Variants in BABAM2 observed in about 807,000 individuals in gnomAD.
The protein encoded by BABAM2 is BRISC and BRCA1 A complex member 2, also known as BRISC and BRCA1-A complex member 2.
Under a neutral mutation model 54.7 loss-of-function variants are expected in BABAM2, and 31 were observed. The ratio of observed to expected loss-of-function variants is 0.57; its 90% CI spans 0.43 to 0.77. BABAM2 has a LOEUF of 0.77. BABAM2 is among the 30% of genes least tolerant of loss of function. The probability of loss-of-function intolerance (pLI) is 0.00; values close to 1 mark genes in which losing one functional copy is unlikely to be tolerated. For synonymous variants in BABAM2, 167 were observed against 162.9 expected (o/e 1.03, Z -0.19); for missense variants, 364 against 455.8 (o/e 0.80, Z 1.83).
In BABAM2 at chr2:28,112,146, T is replaced by TTTCTTTCTTTCCTTCCTTCC. The variant is rs1344247281; in HGVS notation, c.571-17123_571-17122insCTTTCTTTCCTTCCTTCCTT. Among the ~76,000 whole-genome samples the TTTCTTTCTTTCCTTCCTTCC allele has an allele frequency of 6.6e-4, 7 of 10,558 alleles. 3 individuals are homozygous for TTTCTTTCTTTCCTTCCTTCC. The highest frequency in any genetic ancestry group is 7.4e-4 in the Non-Finnish European group (5 of 6,800). 6.9% of individuals were successfully genotyped at this position (10,558 alleles called of 152,430 possible). A position where few individuals can be genotyped will look rare whatever the true frequency, so the allele number is the denominator to read the frequency against. The stretch of plus-strand genomic sequence containing the variant: ...CTTTCTTTCTTTCTTTCTTTCTTTC[T>TTTCTTTCTTTCCTTCCTTCC]TTACCTCCCTCCCTCCCTCCCTCCC... On this transcript the variant is annotated intron_variant, in intron 6 of 11. Transcript: ENST00000379624.
chr2:28,266,448 CTCT>C (rs1236534332), intron 10 of BABAM2, among the ~76,000 whole-genome samples: 1 of 152,256 alleles, frequency 6.6e-6, no homozygotes, highest in Non-Finnish European at 1.5e-5. Flanking sequence ...AGCTTTGCAG[CTCT>C]TCTTCATTCA....
chr2:28,048,979 T>C (rs1288559753), intron 6 of BABAM2, among the ~76,000 whole-genome samples: 1 of 152,226 alleles, frequency 6.6e-6, no homozygotes, highest in East Asian at 1.9e-4. Context: ...GGCTGTGTTT[T>C]TGTTTTTGCT....
chr2:28,224,034 G>C (rs1234219805), intron 7 of BABAM2, among the ~76,000 whole-genome samples: 1 of 152,170 alleles, frequency 6.6e-6, no homozygotes, highest in Non-Finnish European at 1.5e-5. Flanking sequence ...TGCAACAGAT[G>C]ATGTTGAAGA....
intron 10 of BABAM2, among the ~76,000 whole-genome samples, chr2:28,281,404 T>C (rs766760130): frequency 4.6e-5 from 7 of 152,190 alleles, no homozygotes; most frequent in Admixed American, 6.5e-5. Flanking sequence ...GTCAATACTT[T>C]AAAAAATATA....
chr2:28,317,061 A>G (rs1002424179), intron 11 of BABAM2, among the ~76,000 whole-genome samples: 3 of 152,106 alleles, frequency 2.0e-5, no homozygotes, highest in African/African-American at 7.2e-5. Flanking sequence ...ACTTGGCTGC[A>G]TGTCCTTCGG....
At chr2:28,247,416 A>G (rs1683007137) in intron 10 of BABAM2, among the ~76,000 whole-genome samples, 1 of 152,232 alleles carries the variant, frequency 6.6e-6, no homozygotes, top group Non-Finnish European at 1.5e-5. Context: ...TTAGTCATGC[A>G]GTTAAGCATC....
intron 7 of BABAM2, among the ~76,000 whole-genome samples, chr2:28,183,746 C>CACACAT (rs1558414902): frequency 6.7e-6 from 1 of 149,904 alleles, no homozygotes. Flanking sequence ...AGATCACACA[C>CACACAT]ACACACACAC....
Position 28,256,502 on chromosome 2 carries a change from C to T in BABAM2, c.934+11640C>T, listed in dbSNP as rs114152322. ...TTCCCAGATGCCCTGAATCCAAGGA[C>T]GCTTTCAGGGGCAATGAGGAGAGAT... On this transcript the variant is annotated intron_variant, in intron 10 of 11. Transcript: ENST00000379624. 5.9e-3 allele frequency among the ~76,000 whole-genome samples: 894 copies of T among 152,180 alleles called. 15 individuals are homozygous for T. Among genetic ancestry groups the T allele is most frequent in the African/African-American group, 0.02 (842 of 41,506 alleles).
intron 7 of BABAM2, among the ~76,000 whole-genome samples, chr2:28,185,737 CTCT>C (rs1676208790): frequency 6.6e-6 from 1 of 151,564 alleles, no homozygotes; most frequent in Non-Finnish European, 1.5e-5. Context: ...ATTTTTTTTG[CTCT>C]TTTTTTTTTG....
chr2:28,213,731 A>C (rs1022921869), intron 7 of BABAM2, among the ~76,000 whole-genome samples: 3 of 152,114 alleles, frequency 2.0e-5, no homozygotes, highest in Non-Finnish European at 2.9e-5. Context: ...GTTTATTTAT[A>C]TGTCTAATGT....
chr2:27,988,948 A>C (rs1027893881), intron 4 of BABAM2, among the ~76,000 whole-genome samples: 1 of 152,140 alleles, frequency 6.6e-6, no homozygotes, highest in Non-Finnish European at 1.5e-5. Flanking sequence ...ACTTACTTTG[A>C]ACTCTTGCCC....
At chr2:27,959,154 T>C (rs1670292821) in intron 3 of BABAM2, among the ~76,000 whole-genome samples, 1 of 152,226 alleles carries the variant, frequency 6.6e-6, no homozygotes, top group East Asian at 1.9e-4. Context: ...GTAAGAATTG[T>C]TTTCTGTAGC....
At chr2:28,212,004 A>G (rs1038550908) in intron 7 of BABAM2, among the ~76,000 whole-genome samples, 2 of 152,144 alleles carry the variant, frequency 1.3e-5, no homozygotes, top group Non-Finnish European at 2.9e-5. Flanking sequence ...CTCTTAATCT[A>G]GAACAGTCCT....
At chr2:28,283,048 C>CCTAA (rs1686511637) in intron 10 of BABAM2, among the ~76,000 whole-genome samples, 1 of 136,484 alleles carries the variant, frequency 7.3e-6, no homozygotes, top group African/African-American at 2.9e-5. Flanking sequence ...AAACCCCATG[C>CCTAA]CTAACTATTA....
chr2:28,252,438 G>A (rs538400115), intron 10 of BABAM2, among the ~76,000 whole-genome samples: 2 of 152,248 alleles, frequency 1.3e-5, no homozygotes, highest in South Asian at 4.2e-4. Flanking sequence ...AGGCAAAGTG[G>A]TTTTCATCTT....
chr2:28,026,887 G>A lies in BABAM2; in HGVS notation c.495+1467G>A, dbSNP rs559406307. On this transcript the variant is annotated intron_variant, in intron 5 of 11. Transcript: ENST00000379624. ...AGATATATATATTTATATATATATA[G>A]ATATATATAAATATATATAAATATA... is the stretch of plus-strand genomic sequence containing the variant. Among the ~76,000 whole-genome samples, 393 of 60,746 alleles carry A rather than the reference G, an allele frequency of 6.5e-3. 15 individuals are homozygous for A. Among genetic ancestry groups the A allele is most frequent in the African/African-American group, 0.01 (117 of 11,196 alleles). The allele number at this position is 60,746 out of a possible 152,430, so 39.9% of individuals were successfully genotyped here.
intron 7 of BABAM2, among the ~76,000 whole-genome samples, chr2:28,149,903 T>A (rs1009989873): frequency 6.6e-6 from 1 of 152,220 alleles, no homozygotes; most frequent in African/African-American, 2.4e-5. Context: ...ATTTTATACA[T>A]TGAATTAATG....
At chr2:28,002,669 G>T (rs1176609714) in intron 4 of BABAM2, among the ~76,000 whole-genome samples, 13 of 151,872 alleles carry the variant, frequency 8.6e-5, no homozygotes, top group Non-Finnish European at 1.8e-4. Context: ...TCTAAAAAAA[G>T]AAACCAGAGA....
intron 6 of BABAM2, among the ~76,000 whole-genome samples, chr2:28,058,119 G>A (rs1220548919): frequency 6.6e-6 from 1 of 151,928 alleles, no homozygotes; most frequent in African/African-American, 2.4e-5. Context: ...ATTCCAGCCT[G>A]GGTGACAGAG....
Sources: allele counts gnomAD v4.1 joint callset (sites outside exome capture counted in the v4.1 genomes callset), GRCh38; gene constraint gnomAD v4.1.1; transcripts MANE v1.5; gene names NCBI Gene and HGNC (gene_info 2026-07-23, HGNC 2026-07-21).